The following TCF3 variants were observed in gnomAD, a reference collection of about 807,000 sequenced individuals.
TCF3 encodes transcription factor 3, also known as transcription factor E2-alpha.
Under a neutral mutation model 72.3 loss-of-function variants are expected in TCF3, and 54 were observed. The ratio of observed to expected loss-of-function variants is 0.75; its 90% confidence interval spans 0.60 to 0.94. The LOEUF is 0.94. Ranked by LOEUF, TCF3 falls within the 40% of genes least tolerant of loss-of-function variation. The pLI, the probability that TCF3 is intolerant of heterozygous loss-of-function variation, is 0.00. For missense variants in TCF3, 1,078 were observed against 934.4 expected, an observed-to-expected ratio of 1.15 and a Z score of -2.00; for synonymous variants, 525 against 412.6, an observed-to-expected ratio of 1.27 and a Z score of -3.30.
chr19:1,619,028 C>A, intron 16 of TCF3, 83 bp downstream of exon 16: 2 of 1,585,788 alleles, frequency 1.3e-6, no homozygotes, highest in Non-Finnish European at 1.7e-6. Flanking sequence ...GCCCTGGGCT[C>A]CCACCCTGAC....
chr19:1,640,254 G>A (rs931977265), intron 3 of TCF3, among the ~76,000 whole-genome samples: 2 of 152,172 alleles, frequency 1.3e-5, no homozygotes, highest in Non-Finnish European at 2.9e-5. Flanking sequence ...AGCCAAATGA[G>A]GCCGGGCTCG....
intron 6 of TCF3, 84 bp from the exon 7 acceptor site, chr19:1,625,792 G>A (rs947965938): frequency 1.4e-5 from 20 of 1,408,676 alleles, no homozygotes; most frequent in South Asian, 6.2e-5. Context: ...TGCAAAGGCC[G>A]AAGCCACTCA....
Position 1,640,643 on chromosome 19 carries a change from C to G in TCF3, c.145+5712G>C, listed in dbSNP as rs2065103161. ...ACCATCCTGGCTAACAAGGTGAAAC[C>G]CCGTCTCTACTAAAAATACAAAAAC... On this transcript the variant is annotated intron_variant, in intron 3 of 18. Transcript: ENST00000262965. 2.0e-5 allele frequency among the ~76,000 whole-genome samples: 3 copies of G among 151,040 alleles called. No homozygotes were observed. The Admixed American group carries it at 2.0e-4, about 10-fold the overall frequency.
In TCF3 at chr19:1,619,635, G is replaced by C. The variant is rs965427291; in HGVS notation, c.1167+145C>G. On this transcript the variant is annotated intron_variant, in intron 14 of 18. Transcript: ENST00000262965. Reference sequence around the variant, plus strand: ...TGGCGCCCGGGAGCACACACAAAATGTGTGTGCCTTGGCGGCCACGAGGCC... The same window carrying C: ...TGGCGCCCGGGAGCACACACAAAATCTGTGTGCCTTGGCGGCCACGAGGCC... 5 of 1,278,594 alleles carry C rather than the reference G, an allele frequency of 3.9e-6. No individual in the cohort carries two copies. In the Admixed American group the frequency reaches 9.2e-5, roughly 24 times the overall value. 79.2% of individuals were successfully genotyped at this position (1,278,594 alleles called of 1,614,324 possible).
intron 5 of TCF3, among the ~76,000 whole-genome samples, chr19:1,629,994 C>T (rs2063503728): frequency 6.6e-6 from 1 of 152,182 alleles, no homozygotes; most frequent in African/African-American, 2.4e-5. Context: ...CCATAGGAGA[C>T]TGAGGTTATG....
intron 5 of TCF3, among the ~76,000 whole-genome samples, chr19:1,630,435 T>C (rs2063563711): frequency 1.3e-5 from 2 of 152,170 alleles, no homozygotes; most frequent in Admixed American, 6.5e-5. Flanking sequence ...GGACCGTCCC[T>C]GCCCCGCTGT....
Position 1,615,483 on chromosome 19 carries a change from G to A in TCF3, c.1624C>T (p.Gln542Ter). The A allele has an allele frequency of 6.2e-7, 1 of 1,611,136 alleles. No individual in the cohort carries two copies. Reference sequence around the variant, plus strand: ...CGCTCCTTCTCCCGCTCGGCCTTCTGCTCTGGGGGGAGAAGGTCGTCCTCG... The same window carrying A: ...CGCTCCTTCTCCCGCTCGGCCTTCTACTCTGGGGGGAGAAGGTCGTCCTCG... ...EDEDDLLPPEQKAEREKERRV... is the reference protein window; with the variant it reads ...EDEDDLLPPE Residue 542 changes from glutamine to a stop codon, truncating the protein, a stop_gained, in exon 18 of 19, where the codon CAG becomes TAG. Coordinates refer to ENST00000262965, the MANE Select transcript of TCF3 (RefSeq NM_003200.5). LOFTEE classifies it high-confidence loss of function. The surrounding 1 kb of genome is among the most constrained non-coding windows in gnomAD (Gnocchi z 7.3).
rs1267792512 is a variant in TCF3, at chr19:1,652,403, T to G, written c.-143A>C. 1 of 125,808 alleles carries G rather than the reference T, an allele frequency of 7.9e-6. No individual in the cohort carries two copies. Among genetic ancestry groups the G allele is most frequent in the African/African-American group, 3.0e-5 (1 of 33,780 alleles). The allele number at this position is 125,808 out of a possible 1,614,324, so 7.8% of individuals were successfully genotyped here. On this transcript the variant is annotated 5_prime_UTR_variant, in exon 1 of 19. Transcript: ENST00000262965. ...TGCGTCGCGGCCGGGCCCCCGAGGG[T>G]CGCGCGTGGGCGGCGGCGGCGGCGC...
chr19:1,650,744 C>T (rs936751191), intron 1 of TCF3: 9 of 232,882 alleles, frequency 3.9e-5, no homozygotes, highest in African/African-American at 1.8e-4. Context: ...TGGTGATTCC[C>T]CCCTCCCCCA....
rs1008350376 is a variant in TCF3, at chr19:1,642,293, CACAG to C, written c.145+4058_145+4061del. Among the ~76,000 whole-genome samples the C allele has an allele frequency of 4.5e-4, 68 of 151,608 alleles. 1 individual carries two copies. The South Asian group carries it at 7.8e-3, about 17-fold the overall frequency. ...ACGCACACGCACAGACGCGCACACG[CACAG>C]ACACACACCCGCACGCACACACAGA... On this transcript the variant is annotated intron_variant, in intron 3 of 18. Coordinates refer to ENST00000262965, the MANE Select transcript of TCF3 (RefSeq NM_003200.5).
Position 1,614,231 on chromosome 19 carries a change from G to A in TCF3, c.1822+1054C>T, listed in dbSNP as rs900176342. The stretch of plus-strand genomic sequence containing the variant: ...TGCCCACCCTGCCTTAGGGGCCTGA[G>A]GGGATCCCTCCAGGTGGTGGGGGCG... On this transcript the variant is annotated intron_variant, in intron 18 of 18. Coordinates refer to ENST00000262965, the MANE Select transcript of TCF3 (RefSeq NM_003200.5). The surrounding 1 kb of genome is among the most constrained non-coding windows in gnomAD (Gnocchi z 5.6). Among the ~76,000 whole-genome samples, 2 of 152,256 alleles carry A rather than the reference G, an allele frequency of 1.3e-5. No homozygotes were observed. Among genetic ancestry groups the A allele is most frequent in the African/African-American group, 4.8e-5 (2 of 41,470 alleles).
In TCF3 at chr19:1,632,360, T is replaced by C; in HGVS notation, c.191A>G (p.Gln64Arg). Residue 64 changes from glutamine (Q) to arginine (R), a missense_variant, in exon 4 of 19, where the codon CAG becomes CGG. By Grantham distance (43) the Gln-to-Arg change is conservative. Transcript: ENST00000262965. ...GCTGGGGTCAAAGGAGGAGCTGCTC[T>C]GGTCGCCGCTGCCCCAGGAGCCTGA... ...PSSGSWGSGD[Q>R]SSSSFDPSRT... is the part of the protein sequence containing the mutation. 5 of 1,593,072 alleles carry C rather than the reference T, an allele frequency of 3.1e-6. No homozygotes were observed. Among genetic ancestry groups the C allele is most frequent in the Non-Finnish European group, 4.3e-6 (5 of 1,170,192 alleles).
Position 1,610,318 on chromosome 19 carries a change from G to A in TCF3, c.*1389C>T, listed in dbSNP as rs921733513. ...ACCACACAGAGGGAGGGCAGCAGGTGTGGCCCCAGGCCCAGGGATGCTCCC... is the reference window on the plus strand; with the variant it reads ...ACCACACAGAGGGAGGGCAGCAGGTATGGCCCCAGGCCCAGGGATGCTCCC... On this transcript the variant is annotated 3_prime_UTR_variant, in exon 19 of 19. Transcript: ENST00000262965. 8.6e-6 allele frequency: 2 copies of A among 232,012 alleles called. No individual in the cohort carries two copies. Among genetic ancestry groups the A allele is most frequent in the Admixed American group, 5.6e-5 (1 of 17,748 alleles). 14.4% of individuals were successfully genotyped at this position (232,012 alleles called of 1,614,324 possible). A position where few individuals can be genotyped will look rare whatever the true frequency, so the allele number is the denominator to read the frequency against.
Position 1,615,579 on chromosome 19 carries a change from T to C in TCF3, c.1587-59A>G. On this transcript the variant is annotated intron_variant, in intron 17 of 18. Coordinates refer to ENST00000262965, the MANE Select transcript of TCF3 (RefSeq NM_003200.5). The surrounding 1 kb of genome is among the most constrained non-coding windows in gnomAD (Gnocchi z 7.3). ...AGACAGTGAGGTTGGGGGAAGAGCG[T>C]GGGGCCCGCCGACGGCCTCCCAGTG... is the stretch of plus-strand genomic sequence containing the variant. The C allele has an allele frequency of 6.2e-7, 1 of 1,603,108 alleles. No individual in the cohort carries two copies. The highest frequency in any genetic ancestry group is 1.1e-5 in the South Asian group (1 of 90,996).
In TCF3 at chr19:1,646,389, G is replaced by A. The variant is rs1299081062; in HGVS notation, c.111C>T (p.Pro37=). The A allele has an allele frequency of 7.7e-6, 12 of 1,550,190 alleles. No homozygotes were observed. Among genetic ancestry groups the A allele is most frequent in the Middle Eastern group, 1.7e-4 (1 of 6,008 alleles). ...CGAACTGCGCCCCGGCCAGGGAGGC[G>A]GGCCGGCCCTTCCCGTTGGTGACAG... The part of the protein sequence containing the change: ...PLPVTNGKGR[P]ASLAGAQFGG... Residue 37 remains proline (P), a synonymous_variant, in exon 3 of 19, where the codon CCC becomes CCT. Transcript: ENST00000262965.
rs756322052 is a variant in TCF3, at chr19:1,619,765, G to GGGGCA, written c.1167+10_1167+14dup. 6.1e-5 allele frequency: 94 copies of GGGGCA among 1,546,644 alleles called. No homozygotes were observed. The African/African-American group carries it at 1.0e-3, about 17-fold the overall frequency. ...CTGTCGGGGAAGGGTGGGGTGGGGC[G>GGGGCA]GGGCAGGCACTCACCAGGCCGTGGA... On this transcript the variant is annotated intron_variant, in intron 14 of 18. Coordinates refer to ENST00000262965, the MANE Select transcript of TCF3 (RefSeq NM_003200.5).
rs2145813585 is a variant in TCF3, at chr19:1,614,323, C to G, written c.1822+962G>C. 6.6e-6 allele frequency among the ~76,000 whole-genome samples: 1 copy of G among 152,352 alleles called. No homozygotes were observed. Among genetic ancestry groups the G allele is most frequent in the African/African-American group, 2.4e-5 (1 of 41,584 alleles). ...GACCAGGGGCTGCGTGCTCCCGGGT[C>G]TGGTTTCTTCCCGCAAGCCCTGACG... On this transcript the variant is annotated intron_variant, in intron 18 of 18. Coordinates refer to ENST00000262965, the MANE Select transcript of TCF3 (RefSeq NM_003200.5). This position sits in a 1 kb window ranked among gnomAD's most constrained non-coding sequence, Gnocchi z 5.6.
chr19:1,612,424 G>A lies in TCF3; in HGVS notation c.1823-575C>T, dbSNP rs751822542. ...CTTTCTCCTCCAGGGACAGCACCTC[G>A]TCCGTACTGCTGGGTCACAGCACCG... On this transcript the variant is annotated intron_variant, in intron 18 of 18. Coordinates refer to ENST00000262965, the MANE Select transcript of TCF3 (RefSeq NM_003200.5). The A allele has an allele frequency of 1.4e-5, 22 of 1,612,666 alleles. No homozygotes were observed. Among genetic ancestry groups the A allele is most frequent in the South Asian group, 2.2e-5 (2 of 90,998 alleles).
Position 1,615,535 on chromosome 19 carries a change from C to T in TCF3, c.1587-15G>A, listed in dbSNP as rs200409766. ...CCTCGTCTGGGCTATGGGGAGGGCGCCGGGAGGGGGCCAGAGGGAGACAGT... is the reference window on the plus strand; with the variant it reads ...CCTCGTCTGGGCTATGGGGAGGGCGTCGGGAGGGGGCCAGAGGGAGACAGT... On this transcript the variant is annotated splice_polypyrimidine_tract_variant and intron_variant, in intron 17 of 18. Transcript: ENST00000262965. The surrounding 1 kb of genome is among the most constrained non-coding windows in gnomAD (Gnocchi z 7.3). 12 of 1,605,508 alleles carry T rather than the reference C, an allele frequency of 7.5e-6. No homozygotes were observed. The African/African-American group carries it at 1.2e-4, about 16-fold the overall frequency.
Sources: gnomAD v4.1 joint callset for allele counts (sites outside exome capture counted in the v4.1 genomes callset) on GRCh38, gnomAD v4.1.1 for gene constraint, Gnocchi (gnomAD v3.1) non-coding constraint, MANE v1.5 for transcripts, NCBI Gene and HGNC (gene_info 2026-07-23, HGNC 2026-07-21) for gene names.